PAPSS1: variants seen among roughly 807,000 people sequenced by gnomAD.
The protein encoded by PAPSS1 is 3'-phosphoadenosine 5'-phosphosulfate synthase 1.
A neutral mutation model predicts 72.0 loss-of-function variants in PAPSS1; 50 were observed. That is an observed-to-expected ratio of 0.69 (90% CI 0.55 to 0.88). PAPSS1 has a LOEUF of 0.88. PAPSS1 is among the 40% of genes least tolerant of loss of function. PAPSS1 has a pLI of 0.00. For synonymous variants in PAPSS1, 261 were observed against 263.6 expected, an observed-to-expected ratio of 0.99 and a Z score of 0.09; for missense variants, 657 against 782.2, an observed-to-expected ratio of 0.84 and a Z score of 1.91.
intron 2 of PAPSS1, 108 bp downstream of exon 2, chr4:107,701,063 C>T (rs1016013469): frequency 1.8e-6 from 1 of 547,996 alleles, no homozygotes; most frequent in Admixed American, 3.1e-5. Flanking sequence ...TGTCGTGATG[C>T]TCCAAATACA....
intron 5 of PAPSS1, among the ~76,000 whole-genome samples, chr4:107,669,630 G>A (rs746635239): frequency 2.0e-5 from 3 of 152,168 alleles, no homozygotes; most frequent in Non-Finnish European, 4.4e-5. Context: ...AAGTACAACA[G>A]AGAAATATGC....
At chr4:107,640,464 A>G (rs537914047) in intron 10 of PAPSS1, among the ~76,000 whole-genome samples, 67 of 152,346 alleles carry the variant, frequency 4.4e-4, no homozygotes, top group African/African-American at 1.4e-3. Context: ...TTAAAGGAAG[A>G]GTCGTTGTTT....
At chr4:107,681,928 T>G (rs1428318144) in intron 5 of PAPSS1, 87 bp downstream of exon 5, 1 of 706,336 alleles carries the variant, frequency 1.4e-6, no homozygotes, top group Non-Finnish European at 2.5e-6. Flanking sequence ...TTACTCAATA[T>G]TAACACCACC....
chr4:107,675,993 G>A (rs533176814), intron 5 of PAPSS1, among the ~76,000 whole-genome samples: 51 of 152,230 alleles, frequency 3.4e-4, no homozygotes, highest in African/African-American at 1.1e-3. Flanking sequence ...AATGCGTCAC[G>A]CTAAAACTCT....
chr4:107,637,218 A>G (rs1726407469), intron 10 of PAPSS1, among the ~76,000 whole-genome samples: 1 of 152,200 alleles, frequency 6.6e-6, no homozygotes, highest in Non-Finnish European at 1.5e-5. Flanking sequence ...CATGTTATTG[A>G]GAAGAGTTTC....
At chr4:107,629,782 A>T (rs1330997134) in intron 11 of PAPSS1, among the ~76,000 whole-genome samples, 1 of 152,176 alleles carries the variant, frequency 6.6e-6, no homozygotes, top group Non-Finnish European at 1.5e-5. Flanking sequence ...GACTTTCTGG[A>T]GGGCCAAAGA....
Position 107,656,881 on chromosome 4 carries a change from T to A in PAPSS1, c.895+15A>T. The A allele has an allele frequency of 6.8e-7, 1 of 1,474,730 alleles. No individual in the cohort carries two copies. The highest frequency in any genetic ancestry group is 9.5e-7 in the Non-Finnish European group (1 of 1,053,232). 91.4% of individuals were successfully genotyped at this position (1,474,730 alleles called of 1,614,324 possible). On this transcript the variant is annotated intron_variant, in intron 7 of 11. Coordinates refer to ENST00000265174, the MANE Select transcript of PAPSS1 (RefSeq NM_005443.5). ...CTTCCACATACAATATAATTTTGAA[T>A]GTAAAATGTCTTACCATCCAGAAGA...
At chr4:107,686,335 A>G (rs1722786026) in intron 4 of PAPSS1, among the ~76,000 whole-genome samples, 1 of 152,238 alleles carries the variant, frequency 6.6e-6, no homozygotes, top group South Asian at 2.1e-4. Flanking sequence ...ATTCTTTTAT[A>G]TACTTTAAAT....
At chr4:107,678,805 C>T (rs1467616913) in intron 5 of PAPSS1, among the ~76,000 whole-genome samples, 1 of 152,098 alleles carries the variant, frequency 6.6e-6, no homozygotes, top group Non-Finnish European at 1.5e-5. Context: ...AAAAACTATG[C>T]TCACTCACCA....
chr4:107,631,927 A>C (rs1726234953), intron 10 of PAPSS1, 67 bp from the exon 11 acceptor site: 4 of 911,298 alleles, frequency 4.4e-6, no homozygotes, highest in Non-Finnish European at 5.0e-6. Context: ...TAGTAAGTGG[A>C]TAATAAATGC....
Position 107,631,641 on chromosome 4 carries a change from C to T in PAPSS1, c.1726G>A (p.Asp576Asn), listed in dbSNP as rs1325907932. ...NKKKKRMDYY[D>N]SEHHEDFEFI... ...GAATGTAAGACTTACTGTTCAGAGT[C>T]ATAGTAGTCCATACGCTTCTTTTTC... The change falls in exon 11 of 12, where the codon GAC becomes AAC. Residue 576 changes from aspartate (D) to asparagine (N), a missense_variant. Around this residue, in one of 7 missense-constraint regions of PAPSS1, gnomAD observed 103 missense variants for 93.8 expected, o/e 1.10. Coordinates refer to ENST00000265174, the MANE Select transcript of PAPSS1 (RefSeq NM_005443.5). 5 of 1,608,946 alleles carry T rather than the reference C, an allele frequency of 3.1e-6. No individual in the cohort carries two copies. The East Asian group carries it at 6.7e-5, about 22-fold the overall frequency.
chr4:107,689,958 C>A (rs1722875876), intron 3 of PAPSS1, among the ~76,000 whole-genome samples: 2 of 152,172 alleles, frequency 1.3e-5, no homozygotes, highest in Admixed American at 6.5e-5. Flanking sequence ...ATCAAGCAGG[C>A]ACCAGGTCTT....
At chr4:107,713,555 C>T (rs1477913364) in intron 1 of PAPSS1, among the ~76,000 whole-genome samples, 2 of 151,886 alleles carry the variant, frequency 1.3e-5, no homozygotes, top group East Asian at 1.9e-4. Flanking sequence ...GTCAAGAGAT[C>T]GAGACCATCC....
intron 1 of PAPSS1, among the ~76,000 whole-genome samples, chr4:107,715,548 G>A (rs1388562115): frequency 6.6e-6 from 1 of 152,188 alleles, no homozygotes; most frequent in African/African-American, 2.4e-5. Context: ...TGTGCTGCTG[G>A]CCTTCTACGA....
At chr4:107,642,758 C>T (rs1726581911) in intron 10 of PAPSS1, among the ~76,000 whole-genome samples, 2 of 152,208 alleles carry the variant, frequency 1.3e-5, no homozygotes, top group Admixed American at 1.3e-4. Context: ...GAGTGCTTGG[C>T]TAAGTAATCA....
chr4:107,689,629 G>T (rs1442494718), intron 3 of PAPSS1, among the ~76,000 whole-genome samples: 3 of 152,124 alleles, frequency 2.0e-5, no homozygotes, highest in African/African-American at 7.2e-5. Context: ...AAAGGAAAGT[G>T]TCAATGAGTT....
chr4:107,700,539 A>C (rs1170655426), intron 2 of PAPSS1, among the ~76,000 whole-genome samples: 2 of 152,208 alleles, frequency 1.3e-5, no homozygotes, highest in Non-Finnish European at 2.9e-5. Context: ...TGTGTCTCTC[A>C]AAGTTCATGT....
chr4:107,686,551 A>G (rs1447297086), intron 4 of PAPSS1, among the ~76,000 whole-genome samples: 1 of 152,240 alleles, frequency 6.6e-6, no homozygotes, highest in Non-Finnish European at 1.5e-5. Context: ...TAACAGAATC[A>G]GTGATATGTT....
intron 2 of PAPSS1, among the ~76,000 whole-genome samples, chr4:107,696,889 A>G (rs1489995917): frequency 6.6e-6 from 1 of 152,208 alleles, no homozygotes; most frequent in Non-Finnish European, 1.5e-5. Flanking sequence ...AAGTGTCTAC[A>G]ATGTGACTTT....
Sources: allele counts gnomAD v4.1 joint callset (sites outside exome capture counted in the v4.1 genomes callset), GRCh38; gene constraint gnomAD v4.1.1; regional missense constraint gnomAD v4.1.1; transcripts MANE v1.5; gene names NCBI Gene and HGNC (gene_info 2026-07-23, HGNC 2026-07-21).